Variants in RAPGEF5 observed in about 807,000 individuals in gnomAD.
RAPGEF5 encodes the protein Rap guanine nucleotide exchange factor 5, also known as M-Ras-regulated GEF.
RAPGEF5 carries 65 observed loss-of-function variants against 125.2 expected under a neutral mutation model. That is an observed-to-expected ratio of 0.52 (90% CI 0.43 to 0.64). The LOEUF is 0.64. RAPGEF5 is among the 30% of genes least tolerant of loss of function. The probability of loss-of-function intolerance (pLI) is 0.00; values close to 1 mark genes in which losing one functional copy is unlikely to be tolerated. For missense variants in RAPGEF5, 958 were observed against 1,048.1 expected (o/e 0.91, Z 1.19); for synonymous variants, 391 against 385.9 (o/e 1.01, Z -0.16).
chr7:22,133,759 G>A (rs1462165270), intron 23 of RAPGEF5, among the ~76,000 whole-genome samples: 1 of 152,180 alleles, frequency 6.6e-6, no homozygotes, highest in Non-Finnish European at 1.5e-5. Context: ...TAGCTCAGCT[G>A]GGTCTTCTCC....
chr7:22,310,142 CA>C (rs55757213), intron 3 of RAPGEF5, 52 bp from the exon 4 acceptor site: 301,109 of 1,386,830 alleles, frequency 0.22, 33,411 homozygotes, highest in Admixed American at 0.23. Flanking sequence ...ATCCGTTTGC[CA>C]AAAAAACAAA....
chr7:22,126,183 C>G (rs998809405), intron 24 of RAPGEF5, among the ~76,000 whole-genome samples: 1 of 152,074 alleles, frequency 6.6e-6, no homozygotes, highest in Non-Finnish European at 1.5e-5. Context: ...AGCACCCAAT[C>G]CGGGTTGCAC....
intron 11 of RAPGEF5, among the ~76,000 whole-genome samples, chr7:22,188,824 G>C (rs1285095475): frequency 1.3e-5 from 2 of 149,924 alleles, no homozygotes; most frequent in African/African-American, 4.9e-5. Flanking sequence ...GACTCTATCA[G>C]TTGAGTGAGA....
At position 22,193,936 on chromosome 7, in the gene RAPGEF5, C is replaced by T. The variant is rs1401077821; in HGVS notation, c.1094G>A (p.Gly365Glu). The T allele has an allele frequency of 2.5e-6, 4 of 1,613,714 alleles. No homozygotes were observed. The highest frequency in any genetic ancestry group is 2.2e-5 in the East Asian group (1 of 44,886). ...TCACCTCCAATGGCTCTCCGCACTC[C>T]CAGCTGTGGGGGCTGGGCCACAGCA... ...VQCCGPAPTA[G>E]SAESHWRYVV... Residue 365 changes from glycine (G) to glutamate (E), a missense_variant, in exon 10 of 26, where the codon GGG becomes GAG. Physicochemically the swap from Gly to Glu is moderately conservative, Grantham distance 98 (BLOSUM62 -2). Coordinates refer to ENST00000665637, the MANE Select transcript of RAPGEF5 (RefSeq NM_012294.5).
chr7:22,224,208 T>C (rs1785858705), intron 8 of RAPGEF5, among the ~76,000 whole-genome samples: 1 of 152,144 alleles, frequency 6.6e-6, no homozygotes, highest in Admixed American at 6.6e-5. Flanking sequence ...ATATTTCTGT[T>C]TGTCAGGATT....
intron 17 of RAPGEF5, among the ~76,000 whole-genome samples, chr7:22,153,649 T>C (rs930707946): frequency 3.3e-5 from 5 of 152,200 alleles, no homozygotes; most frequent in Admixed American, 6.5e-5. Flanking sequence ...TAAACAGGAA[T>C]GCGGTTAATC....
At chr7:22,178,039 T>C (rs1784561949) in intron 11 of RAPGEF5, among the ~76,000 whole-genome samples, 1 of 152,192 alleles carries the variant, frequency 6.6e-6, no homozygotes, top group South Asian at 2.1e-4. Flanking sequence ...TTTTGTTTTT[T>C]ATTTTCTAGT....
chr7:22,302,613 C>A (rs1278968788), intron 5 of RAPGEF5, among the ~76,000 whole-genome samples: 1 of 152,142 alleles, frequency 6.6e-6, no homozygotes, highest in Admixed American at 6.5e-5. Context: ...GGTCAAGGCG[C>A]CCAGACCACT....
In RAPGEF5 at chr7:22,154,482, C is replaced by A. The variant is rs1446981106; in HGVS notation, c.1759G>T (p.Ala587Ser). Residue 587 changes from alanine to serine, a missense_variant, in exon 17 of 26, where the codon GCT becomes TCT. Transcript: ENST00000665637. ...CCAGAGAATGTGATGGCCACCAGAG[C>A]CAGATCCTCTTCTGCATACTGGATC... ...EKIQYAEEDL[A>S]LVAITFSGEK... 1 of 1,613,756 alleles carries A rather than the reference C, an allele frequency of 6.2e-7. No homozygotes were observed. Among genetic ancestry groups the A allele is most frequent in the South Asian group, 1.1e-5 (1 of 91,050 alleles).
At chr7:22,312,244 C>T (rs1428342592) in intron 3 of RAPGEF5, among the ~76,000 whole-genome samples, 2 of 151,498 alleles carry the variant, frequency 1.3e-5, no homozygotes, top group African/African-American at 2.4e-5. Flanking sequence ...GTTTCACTCA[C>T]GTCGCCCAGG....
At chr7:22,129,158 GT>G (rs945206498) in intron 24 of RAPGEF5, among the ~76,000 whole-genome samples, 34 of 149,260 alleles carry the variant, frequency 2.3e-4, no homozygotes, top group African/African-American at 6.1e-4. Flanking sequence ...ACTTGTTCAG[GT>G]TTTTTTTTTA....
intron 8 of RAPGEF5, among the ~76,000 whole-genome samples, chr7:22,229,414 T>C (rs1786003905): frequency 6.6e-6 from 1 of 152,114 alleles, no homozygotes; most frequent in South Asian, 2.1e-4. Flanking sequence ...GGAATCAGAA[T>C]CCACTTAACT....
rs1210199224 is a variant in RAPGEF5 at position 22,166,269 on chromosome 7, C to A, written c.1283+801G>T. On this transcript the variant is annotated intron_variant, in intron 12 of 25. Transcript: ENST00000665637. The stretch of plus-strand genomic sequence containing the variant: ...GAACTTTAGTATACACAAAAGCAAT[C>A]CATTTTCCTTAAAATTTTCATGTGG... Among the ~76,000 whole-genome samples, 6 of 151,724 alleles carry A rather than the reference C, an allele frequency of 4.0e-5. No individual in the cohort carries two copies. In the East Asian group the frequency reaches 9.6e-4, roughly 24 times the overall value.
At position 22,153,783 on chromosome 7, in the gene RAPGEF5, G is replaced by T. The variant is rs74967537; in HGVS notation, c.1786+672C>A. Among the ~76,000 whole-genome samples, 800 of 152,242 alleles carry T rather than the reference G, an allele frequency of 5.3e-3. 10 individuals carry two copies. The highest frequency in any genetic ancestry group is 0.019 in the African/African-American group (771 of 41,562). The stretch of plus-strand genomic sequence containing the variant: ...CAGGGTTAAGGAGATATTAAATAAA[G>T]ATTGCAAACCAAAAAAGGAGGCCAG... On this transcript the variant is annotated intron_variant, in intron 17 of 25. Coordinates refer to ENST00000665637, the MANE Select transcript of RAPGEF5 (RefSeq NM_012294.5).
chr7:22,171,940 T>A (rs1187642478), intron 11 of RAPGEF5, among the ~76,000 whole-genome samples: 1 of 152,194 alleles, frequency 6.6e-6, no homozygotes, highest in Admixed American at 6.5e-5. Context: ...ACAAGAAACA[T>A]CCTTGCAAGT....
chr7:22,194,472 C>A (rs1247796411), intron 9 of RAPGEF5: 2 of 606,278 alleles, frequency 3.3e-6, no homozygotes, highest in Non-Finnish European at 4.1e-6. Flanking sequence ...AACATTAAGA[C>A]AATGAGTAAG....
Position 22,308,502 on chromosome 7 carries a change from G to A in RAPGEF5, c.517C>T (p.Gln173Ter), listed in dbSNP as rs1359325688. 3.3e-6 allele frequency: 5 copies of A among 1,531,058 alleles called. No individual in the cohort carries two copies. The highest frequency in any genetic ancestry group is 2.8e-5 in the African/African-American group (2 of 71,824). The allele number at this position is 1,531,058 out of a possible 1,614,324, so 94.8% of individuals were successfully genotyped here. The change falls in exon 5 of 26, where the codon CAG (glutamine) becomes TAG (stop). Residue 173 changes from glutamine (Q) to a stop codon, truncating the protein, a stop_gained. Coordinates refer to ENST00000665637, the MANE Select transcript of RAPGEF5 (RefSeq NM_012294.5). LOFTEE classifies it high-confidence loss of function. ...TAAGTATCTTGAAAGTATAGATGCT[G>A]GTCCACTGTTTGAAACAAAAAATAT... ...LDMGIMLSVDQHLYFQDTYVF... is the reference protein window; with the variant it reads ...LDMGIMLSVD
intron 6 of RAPGEF5, among the ~76,000 whole-genome samples, chr7:22,286,815 CTATT>C (rs1452377496): frequency 6.6e-6 from 1 of 152,178 alleles, no homozygotes; most frequent in Non-Finnish European, 1.5e-5. Context: ...TCTGAATACT[CTATT>C]TGTCACAAAC....
At chr7:22,273,734 A>T (rs2128143251) in intron 6 of RAPGEF5, among the ~76,000 whole-genome samples, 1 of 152,338 alleles carries the variant, frequency 6.6e-6, no homozygotes, top group South Asian at 2.1e-4. Flanking sequence ...CACATTAAAA[A>T]GATCTGATAG....
Sources: allele counts gnomAD v4.1 joint callset (sites outside exome capture counted in the v4.1 genomes callset), GRCh38; gene constraint gnomAD v4.1.1; transcripts MANE v1.5; gene names NCBI Gene and HGNC (gene_info 2026-07-23, HGNC 2026-07-21).